ALK: variants seen among roughly 807,000 people sequenced by gnomAD.
The protein encoded by ALK is ALK receptor tyrosine kinase.
ALK carries 74 observed loss-of-function variants against 163.1 expected under a neutral mutation model. The ratio of observed to expected loss-of-function variants is 0.45; its 90% CI spans 0.38 to 0.55. The LOEUF (loss-of-function observed/expected upper bound fraction) is 0.55, where lower values mean the gene tolerates loss of function less well. ALK is among the 20% of genes least tolerant of loss of function. The pLI, the probability that ALK is intolerant of heterozygous loss-of-function variation, is 0.00. For synonymous variants in ALK, 960 were observed against 843.2 expected (o/e 1.14, Z -2.40); for missense variants, 2,063 against 2,105.3 (o/e 0.98, Z 0.39).
intron 1 of ALK, among the ~76,000 whole-genome samples, chr2:29,880,678 A>G (rs919625138): frequency 7.9e-5 from 12 of 152,204 alleles, no homozygotes; most frequent in Non-Finnish European, 1.3e-4. Flanking sequence ...TAATTCTCAC[A>G]ATATCTATGT....
At chr2:29,868,368 C>A (rs937412369) in intron 1 of ALK, among the ~76,000 whole-genome samples, 3 of 152,096 alleles carry the variant, frequency 2.0e-5, no homozygotes, top group African/African-American at 4.8e-5. Context: ...AAAGATTCTG[C>A]ACTTGTGAAG....
intron 1 of ALK, among the ~76,000 whole-genome samples, chr2:29,840,827 A>G (rs1487798747): frequency 6.6e-6 from 1 of 152,224 alleles, no homozygotes; most frequent in Non-Finnish European, 1.5e-5. Context: ...TTTGGAGTAG[A>G]CAAGGCAATT....
chr2:29,598,516 C>T (rs1450668005), intron 3 of ALK, among the ~76,000 whole-genome samples: 1 of 152,146 alleles, frequency 6.6e-6, no homozygotes, highest in Non-Finnish European at 1.5e-5. Context: ...ATCATGAAAG[C>T]TCATGGCTTC....
intron 4 of ALK, among the ~76,000 whole-genome samples, chr2:29,419,787 C>A (rs565776540): frequency 6.6e-6 from 1 of 151,502 alleles, no homozygotes; most frequent in East Asian, 1.9e-4. Context: ...AATGGAGACA[C>A]CTTGGGAAGC....
At chr2:29,792,433 A>G (rs1294128563) in intron 1 of ALK, among the ~76,000 whole-genome samples, 1 of 152,222 alleles carries the variant, frequency 6.6e-6, no homozygotes, top group Non-Finnish European at 1.5e-5. Flanking sequence ...GGAAAAACTC[A>G]TTTGAACCCT....
intron 3 of ALK, among the ~76,000 whole-genome samples, chr2:29,602,239 T>C (rs1675398786): frequency 1.3e-5 from 2 of 152,142 alleles, no homozygotes; most frequent in African/African-American, 2.4e-5. Flanking sequence ...GTCACTCTTA[T>C]GGCTCATTTG....
intron 4 of ALK, among the ~76,000 whole-genome samples, chr2:29,525,369 A>T (rs929726761): frequency 1.3e-5 from 2 of 152,214 alleles, no homozygotes; most frequent in African/African-American, 4.8e-5. Context: ...TATGTGATCA[A>T]CCAATTCAAG....
chr2:29,896,351 G>A (rs1195733928), intron 1 of ALK, among the ~76,000 whole-genome samples: 3 of 152,126 alleles, frequency 2.0e-5, no homozygotes, highest in African/African-American at 7.2e-5. Flanking sequence ...GTTACGGGCT[G>A]AGTCACGTTC....
chr2:29,212,971 C>T (rs538427062), intron 24 of ALK, among the ~76,000 whole-genome samples: 1 of 152,234 alleles, frequency 6.6e-6, no homozygotes, highest in Admixed American at 6.5e-5. Flanking sequence ...TCCCAAAGTG[C>T]TGGGATTACA....
At chr2:29,204,214 G>T (rs983079067) in intron 26 of ALK, among the ~76,000 whole-genome samples, 2 of 152,134 alleles carry the variant, frequency 1.3e-5, no homozygotes, top group African/African-American at 4.8e-5. Flanking sequence ...TGCGATACAC[G>T]TGTTACAATT....
At chr2:29,456,187 T>C (rs1670948409) in intron 4 of ALK, among the ~76,000 whole-genome samples, 2 of 152,132 alleles carry the variant, frequency 1.3e-5, no homozygotes, top group African/African-American at 4.8e-5. Flanking sequence ...AAACATAGAA[T>C]TGTCGTATGC....
At chr2:29,635,871 T>A (rs1291824222) in intron 3 of ALK, among the ~76,000 whole-genome samples, 1 of 151,998 alleles carries the variant, frequency 6.6e-6, no homozygotes, top group Non-Finnish European at 1.5e-5. Flanking sequence ...CCTCAAGTAA[T>A]CCACCCACCT....
chr2:29,812,751 C>T (rs1401892321), intron 1 of ALK, among the ~76,000 whole-genome samples: 2 of 152,170 alleles, frequency 1.3e-5, no homozygotes, highest in East Asian at 1.9e-4. Context: ...GAGGACCCAC[C>T]ATCCAGGGCT....
At chr2:29,205,465 C>T (rs1201514900) in intron 26 of ALK, among the ~76,000 whole-genome samples, 1 of 152,120 alleles carries the variant, frequency 6.6e-6, no homozygotes, top group Admixed American at 6.5e-5. Context: ...CTTAAAACAA[C>T]ATAAGTTCAT....
chr2:29,574,649 C>T (rs971487616), intron 3 of ALK, among the ~76,000 whole-genome samples: 7 of 152,342 alleles, frequency 4.6e-5, no homozygotes, highest in South Asian at 2.1e-4. Flanking sequence ...GACCTCTGGG[C>T]GTGCAGGCAG....
intron 5 of ALK, among the ~76,000 whole-genome samples, chr2:29,332,734 T>G (rs1392926414): frequency 6.6e-6 from 1 of 152,244 alleles, no homozygotes; most frequent in East Asian, 1.9e-4. Flanking sequence ...GGCTACAATA[T>G]TGTGCAATAT....
chr2:29,605,211 C>T (rs980503866), intron 3 of ALK, among the ~76,000 whole-genome samples: 1 of 152,160 alleles, frequency 6.6e-6, no homozygotes. Flanking sequence ...CCTGAATGTG[C>T]GGTGCACGAT....
At chr2:29,482,615 C>T (rs1367801080) in intron 4 of ALK, among the ~76,000 whole-genome samples, 2 of 152,066 alleles carry the variant, frequency 1.3e-5, no homozygotes, top group African/African-American at 2.4e-5. Flanking sequence ...CAGTTATTTA[C>T]GGCATGTATC....
At chr2:29,577,114 C>A (rs1365045207) in intron 3 of ALK, among the ~76,000 whole-genome samples, 3 of 152,094 alleles carry the variant, frequency 2.0e-5, no homozygotes, top group Admixed American at 1.3e-4. Context: ...TGGAGAACTT[C>A]TTAGATGCCT....
Sources: allele counts gnomAD v4.1 joint callset (sites outside exome capture counted in the v4.1 genomes callset), GRCh38; gene constraint gnomAD v4.1.1; transcripts MANE v1.5; gene names NCBI Gene and HGNC (gene_info 2026-07-23, HGNC 2026-07-21).